The following BAIAP3 variants were observed in gnomAD, a reference collection of about 807,000 sequenced individuals.
BAIAP3 encodes the protein BAI1 associated protein 3.
Under a neutral mutation model 149.7 loss-of-function variants are expected in BAIAP3, and 180 were observed. The observed-to-expected ratio is 1.20, with a 90% CI of 1.07 to 1.36. BAIAP3 has a LOEUF of 1.36. BAIAP3 is among the 40% of genes most tolerant of loss of function. BAIAP3 has a pLI of 0.00. For synonymous variants in BAIAP3, 845 were observed against 670.7 expected, an observed-to-expected ratio of 1.26 and a Z score of -4.02; for missense variants, 1,767 against 1,563.4, an observed-to-expected ratio of 1.13 and a Z score of -2.20.
At position 1,346,431 on chromosome 16, in the gene BAIAP3, C is replaced by G. The variant is rs2034369956; in HGVS notation, c.2494-11C>G. On this transcript the variant is annotated splice_polypyrimidine_tract_variant and intron_variant, in intron 25 of 33. Transcript: ENST00000426824. ...CCCCCTGCCCGTGCTGAGCACTGCTCCTGCCCTCAGATGGTGGGCGACATC... is the reference window on the plus strand; with the variant it reads ...CCCCCTGCCCGTGCTGAGCACTGCTGCTGCCCTCAGATGGTGGGCGACATC... 1 of 1,612,270 alleles carries G rather than the reference C, an allele frequency of 6.2e-7. No homozygotes were observed. The highest frequency in any genetic ancestry group is 8.5e-7 in the Non-Finnish European group (1 of 1,179,666).
rs549916916 is a variant in BAIAP3, at chr16:1,336,328, C to T, written c.-10-2212C>T. 3.1e-5 allele frequency: 31 copies of T among 985,406 alleles called. No individual in the cohort carries two copies. The South Asian group carries it at 1.4e-3, about 43-fold the overall frequency. The allele number at this position is 985,406 out of a possible 1,614,324, so 61.0% of individuals were successfully genotyped here. On this transcript the variant is annotated intron_variant, in intron 1 of 33. Transcript: ENST00000426824. ...GGTGACAGCTTCCAGAAGCACTGTACCCAGCCTACCAAGCCCCCCCATCTT... is the reference window on the plus strand; with the variant it reads ...GGTGACAGCTTCCAGAAGCACTGTATCCAGCCTACCAAGCCCCCCCATCTT...
chr16:1,347,590 T>G lies in BAIAP3; in HGVS notation c.2869T>G (p.Cys957Gly). 6.2e-7 allele frequency: 1 copy of G among 1,612,820 alleles called. No individual in the cohort carries two copies. Among genetic ancestry groups the G allele is most frequent in the Non-Finnish European group, 8.5e-7 (1 of 1,179,896 alleles). Residue 957 changes from cysteine to glycine, a missense_variant, in exon 30 of 34, where the codon TGC becomes GGC. Transcript: ENST00000426824. ...LRLHKCSTRECIEQFYLDKLK... is the reference protein window; with the variant it reads ...LRLHKCSTREGIEQFYLDKLK... ...GCTGCACAAATGTTCCACCCGCGAGTGCATCGAGCAGTTCTACCTGGACAA... is the reference window on the plus strand; with the variant it reads ...GCTGCACAAATGTTCCACCCGCGAGGGCATCGAGCAGTTCTACCTGGACAA...
chr16:1,339,757 G>T (rs1398231811), intron 5 of BAIAP3, among the ~76,000 whole-genome samples, 154 bp downstream of exon 5: 2 of 145,234 alleles, frequency 1.4e-5, no homozygotes, highest in Admixed American at 6.8e-5. Context: ...ACACACACAC[G>T]CACACAGGCT....
chr16:1,349,172 C>T lies in BAIAP3; in HGVS notation c.*690C>T, dbSNP rs114054459. 1.3e-3 allele frequency: 653 copies of T among 522,200 alleles called. 5 individuals carry two copies. Among genetic ancestry groups the T allele is most frequent in the African/African-American group, 0.011 (581 of 52,250 alleles). 32.3% of individuals were successfully genotyped at this position (522,200 alleles called of 1,614,324 possible). On this transcript the variant is annotated 3_prime_UTR_variant, in exon 34 of 34. Transcript: ENST00000426824. ...CCTGAGACCTGCTCCACGACCCTTC[C>T]AGGCAGAGCCGAGAGTTCGCCCCAA...
In BAIAP3 at chr16:1,344,706, T is replaced by C. The variant is rs746572233; in HGVS notation, c.1757+8T>C. The C allele has an allele frequency of 2.0e-5, 33 of 1,613,126 alleles. No homozygotes were observed. The highest frequency in any genetic ancestry group is 3.3e-5 in the Admixed American group (2 of 59,978). ...CGCCAGCCTCTTCCACAGGTGGGCC[T>C]GGCCCCTCAGTGCTGTCCTGGGGCT... On this transcript the variant is annotated splice_region_variant and intron_variant, in intron 19 of 33. Transcript: ENST00000426824.
Position 1,349,391 on chromosome 16 carries a change from A to C in BAIAP3, c.*909A>C. Reference sequence around the variant, plus strand: ...GCCCATTTATGTCCCTCATGTCTCTAGATTTTCTCGTCACCCAGCCTCAAA... The same window carrying C: ...GCCCATTTATGTCCCTCATGTCTCTCGATTTTCTCGTCACCCAGCCTCAAA... On this transcript the variant is annotated 3_prime_UTR_variant, in exon 34 of 34. Coordinates refer to ENST00000426824, the MANE Select transcript of BAIAP3 (RefSeq NM_001199097.2). The C allele has an allele frequency of 6.2e-7, 1 of 1,608,764 alleles. No homozygotes were observed. Among genetic ancestry groups the C allele is most frequent in the Non-Finnish European group, 8.5e-7 (1 of 1,175,754 alleles).
rs930101941 is a variant in BAIAP3, at chr16:1,349,277, C to T, written c.*795C>T. 6 of 802,274 alleles carry T rather than the reference C, an allele frequency of 7.5e-6. No homozygotes were observed. The South Asian group carries it at 9.4e-5, about 13-fold the overall frequency. 49.7% of individuals were successfully genotyped at this position (802,274 alleles called of 1,614,324 possible). A position where few individuals can be genotyped will look rare whatever the true frequency, so the allele number is the denominator to read the frequency against. ...AGCTTCATTTGCGAGAGCGCCGAGG[C>T]AGGACACAGAGCACAGCTGTGCTGG... On this transcript the variant is annotated 3_prime_UTR_variant, in exon 34 of 34. Transcript: ENST00000426824.
At chr16:1,343,597 CAGAGTCCTGCCCG>C in intron 15 of BAIAP3, 84 bp downstream of exon 15, 2 of 1,544,012 alleles carry the variant, frequency 1.3e-6, no homozygotes, top group Non-Finnish European at 1.8e-6. Flanking sequence ...CGGCGAGGGG[CAGAGTCCTGCCCG>C]CGTGGGGGTC....
chr16:1,342,059 G>C lies in BAIAP3; in HGVS notation c.850G>C (p.Gly284Arg). The C allele has an allele frequency of 1.9e-6, 3 of 1,604,098 alleles. No homozygotes were observed. The highest frequency in any genetic ancestry group is 2.6e-6 in the Non-Finnish European group (3 of 1,175,382). ...TGAAGTCATCGGCCTGAAGGGCATG[G>C]GCAGGTATGACTGCTGGGACCTTTC... ...LNEVIGLKGM[G>R]RYFKQIVKSA... Residue 284 changes from glycine (G) to arginine (R), a missense_variant, in exon 10 of 34, where the codon GGC (glycine) becomes CGC (arginine). Gly to Arg is a moderately radical substitution (Grantham distance 125, BLOSUM62 -2). Transcript: ENST00000426824.
chr16:1,336,082 A>T (rs2033432580), intron 1 of BAIAP3: 1 of 358,828 alleles, frequency 2.8e-6, no homozygotes, highest in African/African-American at 2.2e-5. Flanking sequence ...CCCGCAGTTC[A>T]GGCCACTTGG....
rs1555450085 is a variant in BAIAP3 at position 1,349,182 on chromosome 16, CGA to C, written c.*704_*705del. ...GCTCCACGACCCTTCCAGGCAGAGCCGAGAGTTCGCCCCAACCCTTCCCCAGG... is the reference window on the plus strand; with the variant it reads ...GCTCCACGACCCTTCCAGGCAGAGCCGAGTTCGCCCCAACCCTTCCCCAGG... On this transcript the variant is annotated 3_prime_UTR_variant, in exon 34 of 34. Transcript: ENST00000426824. 2 of 537,756 alleles carry C rather than the reference CGA, an allele frequency of 3.7e-6. No individual in the cohort carries two copies. Among genetic ancestry groups the C allele is most frequent in the East Asian group, 3.3e-5 (1 of 30,300 alleles). The allele number at this position is 537,756 out of a possible 1,614,324, so 33.3% of individuals were successfully genotyped here.
chr16:1,345,086 A>G lies in BAIAP3; in HGVS notation c.1927A>G (p.Ser643Gly), dbSNP rs143413644. The G allele has an allele frequency of 5.6e-6, 9 of 1,612,440 alleles. No individual in the cohort carries two copies. The African/African-American group carries it at 1.1e-4, about 19-fold the overall frequency. Residue 643 changes from serine to glycine, a missense_variant, in exon 21 of 34, where the codon AGC (serine) becomes GGC (glycine). Coordinates refer to ENST00000426824, the MANE Select transcript of BAIAP3 (RefSeq NM_001199097.2). ...GGCTGACCTCCAGCGCTTCTGGGAT[A>G]GCATCCCTGGCCGGTGGGTGCCCCG... is the stretch of plus-strand genomic sequence containing the variant. Reference protein sequence around the residue: ...TLADLQRFWDSIPGRDSRSLA... With the variant: ...TLADLQRFWDGIPGRDSRSLA...
At position 1,339,148 on chromosome 16, in the gene BAIAP3, T is replaced by C. The variant is rs1347139367; in HGVS notation, c.220-16T>C. The C allele has an allele frequency of 5.1e-6, 8 of 1,568,026 alleles. No homozygotes were observed. In the South Asian group the frequency reaches 5.8e-5, roughly 11 times the overall value. ...CTCCCTGCCGTCAGAGCCCTCACCC[T>C]GGGCCCCACACACAGGTCCCCCTGC... On this transcript the variant is annotated splice_polypyrimidine_tract_variant and intron_variant, in intron 3 of 33. Coordinates refer to ENST00000426824, the MANE Select transcript of BAIAP3 (RefSeq NM_001199097.2).
In BAIAP3 at chr16:1,342,752, G is replaced by A. The variant is rs758843472; in HGVS notation, c.1099G>A (p.Gly367Ser). The A allele has an allele frequency of 1.4e-5, 23 of 1,612,376 alleles. No individual in the cohort carries two copies. Among genetic ancestry groups the A allele is most frequent in the East Asian group, 2.2e-5 (1 of 44,898 alleles). The change falls in exon 13 of 34, where the codon GGC (glycine) becomes AGC (serine). Residue 367 changes from glycine to serine, a missense_variant. Transcript: ENST00000426824. ...GGCCATGAGCCAGCGCGGGCGATCC[G>A]GCTTCCTGTCCCACCTGCTGCTGCT... ...DTAMSQRGRSGFLSHLLLLSH... is the reference protein window; with the variant it reads ...DTAMSQRGRSSFLSHLLLLSH...
At chr16:1,341,907 C>A (rs374633457) in intron 9 of BAIAP3, 41 bp downstream of exon 9, 2 of 1,601,294 alleles carry the variant, frequency 1.2e-6, no homozygotes, top group Non-Finnish European at 1.7e-6. Flanking sequence ...GGGATGCACA[C>A]CTTTTGCGGG....
At chr16:1,345,709 T>TGCCTCCCCA (rs1491115203) in intron 22 of BAIAP3, 38 bp from the exon 23 acceptor site, 1 of 561,212 alleles carries the variant, frequency 1.8e-6, no homozygotes, top group Non-Finnish European at 2.2e-6. Flanking sequence ...CAGCCTCCCC[T>TGCCTCCCCA]GCCTCCCCAG....
At chr16:1,348,047 C>T (rs1331579752) in intron 32 of BAIAP3, 30 bp downstream of exon 32, 1 of 1,581,824 alleles carries the variant, frequency 6.3e-7, no homozygotes, top group South Asian at 1.1e-5. Flanking sequence ...GCCCCAGCCC[C>T]AGGCTCCAGG....
Position 1,342,619 on chromosome 16 carries a change from G to A in BAIAP3, c.1050G>A (p.Lys350=), listed in dbSNP as rs2034002650. 1 of 1,579,564 alleles carries A rather than the reference G, an allele frequency of 6.3e-7. No individual in the cohort carries two copies. Among genetic ancestry groups the A allele is most frequent in the Admixed American group, 1.8e-5 (1 of 54,466 alleles). Residue 350 remains lysine, a synonymous_variant, in exon 12 of 34, where the codon AAG becomes AAA. Transcript: ENST00000426824. ...AGGGACACTGCCACCTGGTTCTCAA[G>A]CTGATCACTACGCAGGTGGGGAAAG... ...RVQGHCHLVL[K]LITTQRDTAM...
chr16:1,344,563 G>T (rs1375721247), intron 18 of BAIAP3, 38 bp downstream of exon 18: 2 of 1,612,424 alleles, frequency 1.2e-6, no homozygotes, highest in East Asian at 4.5e-5. Flanking sequence ...AGGGGTACGG[G>T]CAGCCGAGAG....
Sources: allele counts gnomAD v4.1 joint callset (sites outside exome capture counted in the v4.1 genomes callset), GRCh38; gene constraint gnomAD v4.1.1; transcripts MANE v1.5; gene names NCBI Gene and HGNC (gene_info 2026-07-23, HGNC 2026-07-21).